Variants in ALPK2 observed in about 807,000 individuals in gnomAD.
The protein encoded by ALPK2 is alpha kinase 2, also known as alpha-protein kinase 2.
In ALPK2, 127 loss-of-function variants were observed where a neutral mutation model predicts 163.1. That is an observed-to-expected ratio of 0.78 (90% CI 0.67 to 0.90). The LOEUF is 0.90. ALPK2 is among the 40% of genes least tolerant of loss of function. The pLI, the probability that ALPK2 is intolerant of heterozygous loss-of-function variation, is 0.00. For missense variants in ALPK2, 2,360 were observed against 2,589.6 expected (o/e 0.91, Z 1.92); for synonymous variants, 953 against 959.1 (o/e 0.99, Z 0.12).
intron 3 of ALPK2, among the ~76,000 whole-genome samples, chr18:58,585,985 T>A (rs2051985223): frequency 6.6e-6 from 1 of 152,210 alleles, no homozygotes; most frequent in African/African-American, 2.4e-5. Flanking sequence ...TGCCCAGCCC[T>A]ATATTGCATT....
intron 12 of ALPK2, among the ~76,000 whole-genome samples, chr18:58,488,177 T>C (rs1315237092): frequency 6.6e-6 from 1 of 152,230 alleles, no homozygotes; most frequent in East Asian, 1.9e-4. Flanking sequence ...CAAGTATATC[T>C]TATGTTTATG....
intron 3 of ALPK2, among the ~76,000 whole-genome samples, chr18:58,594,001 AT>A (rs1448596038): frequency 6.6e-6 from 1 of 150,470 alleles, no homozygotes; most frequent in African/African-American, 2.4e-5. Context: ...AACCTTCACC[AT>A]CAGTTTTTTT....
At chr18:58,564,587 A>G (rs1413349050) in intron 4 of ALPK2, among the ~76,000 whole-genome samples, 4 of 151,376 alleles carry the variant, frequency 2.6e-5, no homozygotes, top group Admixed American at 2.6e-4. Flanking sequence ...TTGCTTAGAC[A>G]GACTTTCCTT....
At chr18:58,545,357 T>C (rs1406095637) in intron 4 of ALPK2, 1 of 152,084 alleles carries the variant, frequency 6.6e-6, no homozygotes, top group South Asian at 2.1e-4. Context: ...CAGGTGAGGG[T>C]CACCTTGGAA....
At chr18:58,603,245 C>T (rs190887960) in intron 3 of ALPK2, among the ~76,000 whole-genome samples, 7 of 152,324 alleles carry the variant, frequency 4.6e-5, no homozygotes, top group Admixed American at 1.3e-4. Flanking sequence ...AATATGAACT[C>T]CTTCACTAAT....
At chr18:58,592,196 G>A (rs1010735291) in intron 3 of ALPK2, among the ~76,000 whole-genome samples, 2 of 152,234 alleles carry the variant, frequency 1.3e-5, no homozygotes, top group Non-Finnish European at 2.9e-5. Context: ...TACATGCTTA[G>A]CACACTGCAT....
At chr18:58,569,222 A>G (rs1023972550) in intron 4 of ALPK2, among the ~76,000 whole-genome samples, 4 of 152,144 alleles carry the variant, frequency 2.6e-5, no homozygotes, top group African/African-American at 2.4e-5. Flanking sequence ...AAAAGTTTCC[A>G]TATGATTGTG....
At chr18:58,577,792 A>C (rs989305494) in intron 4 of ALPK2, among the ~76,000 whole-genome samples, 3 of 152,212 alleles carry the variant, frequency 2.0e-5, no homozygotes, top group African/African-American at 7.2e-5. Context: ...TTCATGTGTC[A>C]ATTTTTAATA....
intron 4 of ALPK2, among the ~76,000 whole-genome samples, chr18:58,563,560 C>T (rs2051835793): frequency 1.3e-5 from 2 of 152,188 alleles, no homozygotes; most frequent in Admixed American, 6.5e-5. Context: ...TGCCAATAAA[C>T]AAATGGTGTG....
intron 10 of ALPK2, among the ~76,000 whole-genome samples, chr18:58,506,058 A>C (rs1007072319): frequency 2.0e-5 from 3 of 152,116 alleles, no homozygotes; most frequent in African/African-American, 7.2e-5. Flanking sequence ...TACCGTTCAG[A>C]TGCCGATGGC....
intron 4 of ALPK2, among the ~76,000 whole-genome samples, chr18:58,571,019 A>G (rs1173134941): frequency 1.3e-5 from 2 of 151,866 alleles, no homozygotes; most frequent in African/African-American, 4.8e-5. Context: ...TGAGACCCTG[A>G]CATCTTTCTT....
rs969938093 is a variant in ALPK2, at chr18:58,610,787, T to A, written c.109+902A>T. The stretch of plus-strand genomic sequence containing the variant: ...AACCACCCCCCTCCCCCCGTCCCTA[T>A]TAAAAATATAAAAATTAGCCAGGCG... On this transcript the variant is annotated intron_variant, in intron 2 of 12. Coordinates refer to ENST00000361673, the MANE Select transcript of ALPK2 (RefSeq NM_052947.4). 4.7e-5 allele frequency among the ~76,000 whole-genome samples: 7 copies of A among 149,158 alleles called. No homozygotes were observed. The South Asian group carries it at 1.3e-3, about 27-fold the overall frequency.
chr18:58,552,288 C>T (rs1484182786), intron 4 of ALPK2, among the ~76,000 whole-genome samples: 1 of 152,188 alleles, frequency 6.6e-6, no homozygotes, highest in Non-Finnish European at 1.5e-5. Context: ...TATAATTTTT[C>T]ACGTTTCTGT....
intron 12 of ALPK2, among the ~76,000 whole-genome samples, chr18:58,491,079 G>A (rs553237219): frequency 5.9e-5 from 9 of 152,326 alleles, no homozygotes; most frequent in African/African-American, 1.7e-4. Context: ...TCCCCAAAGG[G>A]CTGTGCTGGT....
chr18:58,485,039 G>C (rs936160848), intron 12 of ALPK2, among the ~76,000 whole-genome samples: 2 of 152,150 alleles, frequency 1.3e-5, no homozygotes, highest in African/African-American at 2.4e-5. Flanking sequence ...ACGAAAACAG[G>C]CTCTTTGTTC....
chr18:58,597,034 T>G (rs552687608), intron 3 of ALPK2, among the ~76,000 whole-genome samples: 2 of 152,212 alleles, frequency 1.3e-5, no homozygotes, highest in East Asian at 1.9e-4. Context: ...ATGCCTGTAA[T>G]CCCAGCACTT....
Position 58,617,602 on chromosome 18 carries a change from C to T in ALPK2, c.-20-5785G>A, listed in dbSNP as rs147614355. 7.7e-3 allele frequency among the ~76,000 whole-genome samples: 1,174 copies of T among 152,304 alleles called. 9 individuals carry two copies. The highest frequency in any genetic ancestry group is 0.013 in the Non-Finnish European group (877 of 68,028). On this transcript the variant is annotated intron_variant, in intron 1 of 12. Transcript: ENST00000361673. ...AAGTCTCCCAGAGGCATCATCTCTCCATCTCAGTTCTCTACCAAGAGGAAG... is the reference window on the plus strand; with the variant it reads ...AAGTCTCCCAGAGGCATCATCTCTCTATCTCAGTTCTCTACCAAGAGGAAG...
intron 10 of ALPK2, among the ~76,000 whole-genome samples, chr18:58,514,339 G>T (rs1233721638): frequency 6.6e-6 from 1 of 152,160 alleles, no homozygotes; most frequent in Non-Finnish European, 1.5e-5. Context: ...TGCTCTGTCT[G>T]AAAGTTCCAA....
At chr18:58,580,639 C>T in intron 3 of ALPK2, 91 bp from the exon 4 acceptor site, 1 of 1,148,960 alleles carries the variant, frequency 8.7e-7, no homozygotes, top group South Asian at 1.5e-5. Flanking sequence ...AAATGACCAT[C>T]ATTTTACTGC....
Sources: allele counts gnomAD v4.1 joint callset (sites outside exome capture counted in the v4.1 genomes callset), GRCh38; gene constraint gnomAD v4.1.1; transcripts MANE v1.5; gene names NCBI Gene and HGNC (gene_info 2026-07-23, HGNC 2026-07-21).